TRIOBP: variants seen among roughly 807,000 people sequenced by gnomAD.
The protein encoded by TRIOBP is TRIO and F-actin binding protein, also known as TRIO and F-actin-binding protein.
In TRIOBP, 169 loss-of-function variants were observed where a neutral mutation model predicts 238.8. The ratio of observed to expected loss-of-function variants is 0.71; its 90% CI spans 0.62 to 0.80. TRIOBP has a LOEUF of 0.80. Among genes scored for constraint, TRIOBP ranks in the 30% least tolerant of loss-of-function variants. TRIOBP has a pLI of 0.00. For synonymous variants in TRIOBP, 1,150 were observed against 1,274.4 expected (o/e 0.90, Z 2.08); for missense variants, 2,838 against 3,122.6 (o/e 0.91, Z 2.17).
At chr22:37,727,368 A>T (rs920213096) in intron 7 of TRIOBP, among the ~76,000 whole-genome samples, 2 of 151,716 alleles carry the variant, frequency 1.3e-5, no homozygotes. Context: ...AGTTATGTCA[A>T]TTTAAAATGT....
chr22:37,747,858 C>G (rs992189376), intron 11 of TRIOBP, among the ~76,000 whole-genome samples: 1 of 152,238 alleles, frequency 6.6e-6, no homozygotes, highest in Non-Finnish European at 1.5e-5. Context: ...GTATCCAGGT[C>G]CGTTCCAGCT....
intron 3 of TRIOBP, among the ~76,000 whole-genome samples, chr22:37,709,578 G>T (rs979806068): frequency 6.6e-6 from 1 of 152,186 alleles, no homozygotes; most frequent in African/African-American, 2.4e-5. Context: ...ACCAGAGCCC[G>T]CAGCCCAGGT....
chr22:37,710,604 G>T, intron 4 of TRIOBP, 38 bp downstream of exon 4: 1 of 1,593,624 alleles, frequency 6.3e-7, no homozygotes, highest in Non-Finnish European at 8.5e-7. Flanking sequence ...GGCTTCATGG[G>T]GTGGAATGCC....
At chr22:37,761,954 GC>G (rs1926268000) in intron 17 of TRIOBP, among the ~76,000 whole-genome samples, 1 of 148,850 alleles carries the variant, frequency 6.7e-6, no homozygotes, top group African/African-American at 2.5e-5. Flanking sequence ...CAGCCAGGGG[GC>G]TTCTGCCTGC....
chr22:37,751,700 G>A, intron 11 of TRIOBP, 72 bp from the exon 12 acceptor site: 1 of 1,556,460 alleles, frequency 6.4e-7, no homozygotes, highest in Non-Finnish European at 8.9e-7. Context: ...GGTGGGTGCA[G>A]CACGCTCCCC....
At chr22:37,760,165 A>G (rs1318735983) in intron 17 of TRIOBP, 1 of 152,846 alleles carries the variant, frequency 6.5e-6, no homozygotes, top group Non-Finnish European at 1.5e-5. Context: ...GTAGTTTTCT[A>G]TTGAGAATAT....
At chr22:37,728,076 G>C (rs1924261942) in intron 7 of TRIOBP, among the ~76,000 whole-genome samples, 1 of 152,110 alleles carries the variant, frequency 6.6e-6, no homozygotes, top group African/African-American at 2.4e-5. Context: ...GGAATATTTT[G>C]TATCTAAAAT....
In TRIOBP at chr22:37,725,021, A is replaced by T. The variant is rs749669912; in HGVS notation, c.2465A>T (p.Asn822Ile). ...QDNPRTCIQQNIPRSSSTQQD... is the reference protein window; with the variant it reads ...QDNPRTCIQQIIPRSSSTQQD... ...AACCCCAGAACTTGTATTCAACAGA[A>T]CATCCCCAGATCATCTTCTACCCAA... The change falls in exon 7 of 24, where the codon AAC becomes ATC. Residue 822 changes from asparagine to isoleucine, a missense_variant. By Grantham distance (149) the Asn-to-Ile change is moderately radical. Transcript: ENST00000644935. 8 of 1,614,100 alleles carry T rather than the reference A, an allele frequency of 5.0e-6. No individual in the cohort carries two copies. The highest frequency in any genetic ancestry group is 6.8e-6 in the Non-Finnish European group (8 of 1,179,938).
At chr22:37,769,998 G>A (rs566711707) in intron 21 of TRIOBP, among the ~76,000 whole-genome samples, 1 of 151,142 alleles carries the variant, frequency 6.6e-6, no homozygotes, top group African/African-American at 2.4e-5. Flanking sequence ...CAAAGTGCTG[G>A]GATTACAGCA....
At chr22:37,742,388 G>C (rs558131336) in intron 11 of TRIOBP, among the ~76,000 whole-genome samples, 1 of 150,726 alleles carries the variant, frequency 6.6e-6, no homozygotes, top group East Asian at 2.0e-4. Context: ...TCAGCCTCCC[G>C]AGTATGTGGT....
chr22:37,755,276 C>T (rs1204041085), intron 14 of TRIOBP, 86 bp downstream of exon 14: 11 of 1,349,918 alleles, frequency 8.1e-6, no homozygotes, highest in South Asian at 1.2e-5. Flanking sequence ...ACATGGCTCA[C>T]CATGGAGACT....
intron 3 of TRIOBP, among the ~76,000 whole-genome samples, chr22:37,709,393 A>T (rs993065066): frequency 7.2e-5 from 11 of 152,180 alleles, no homozygotes; most frequent in African/African-American, 2.7e-4. Context: ...GGCCCGGCTT[A>T]TGAAACTGTA....
intron 6 of TRIOBP, among the ~76,000 whole-genome samples, chr22:37,719,784 C>A (rs1315924769): frequency 6.6e-6 from 1 of 151,970 alleles, no homozygotes; most frequent in Admixed American, 6.6e-5. Flanking sequence ...ATATCTGATG[C>A]CCCACATCCC....
chr22:37,737,697 C>G (rs1025335945), intron 9 of TRIOBP, among the ~76,000 whole-genome samples: 2 of 151,700 alleles, frequency 1.3e-5, no homozygotes, highest in Admixed American at 6.6e-5. Flanking sequence ...GCATGGCACT[C>G]AAGGCCGGCT....
chr22:37,735,835 C>T (rs1306189131), intron 9 of TRIOBP, among the ~76,000 whole-genome samples: 1 of 152,226 alleles, frequency 6.6e-6, no homozygotes, highest in African/African-American at 2.4e-5. Flanking sequence ...GCAAGATGCT[C>T]TGGCCAGGGC....
chr22:37,726,420 G>C lies in TRIOBP; in HGVS notation c.3864G>C (p.Gly1288=). ...PPRRLAQRQP[G]PQAQCSSGGR... ...GGAGGCTGGCCCAGAGACAGCCAGG[G>C]CCCCAGGCGCAGTGCAGCAGCGGGG... is the stretch of plus-strand genomic sequence containing the variant. Residue 1288 remains glycine (G), a synonymous_variant, in exon 7 of 24, where the codon GGG becomes GGC. Coordinates refer to ENST00000644935, the MANE Select transcript of TRIOBP (RefSeq NM_001039141.3). 1 of 1,586,298 alleles carries C rather than the reference G, an allele frequency of 6.3e-7. No homozygotes were observed. The highest frequency in any genetic ancestry group is 1.1e-5 in the South Asian group (1 of 88,284).
intron 9 of TRIOBP, among the ~76,000 whole-genome samples, chr22:37,737,715 C>T (rs1924741449): frequency 6.6e-6 from 1 of 151,996 alleles, no homozygotes; most frequent in Non-Finnish European, 1.5e-5. Context: ...GCTTCCCTTC[C>T]TTCCACTCCG....
chr22:37,758,313 A>G, intron 16 of TRIOBP, among the ~76,000 whole-genome samples, 175 bp downstream of exon 16: 1 of 152,114 alleles, frequency 6.6e-6, no homozygotes, highest in Non-Finnish European at 1.5e-5. Flanking sequence ...CTTAGACCTT[A>G]GTAGTTTGGT....
At chr22:37,741,186 TAAGCTCATCCTGGTCTCAGCAAGCGA>T (rs1924919288) in intron 11 of TRIOBP, among the ~76,000 whole-genome samples, 154 bp downstream of exon 11, 1 of 152,152 alleles carries the variant, frequency 6.6e-6, no homozygotes, top group Admixed American at 6.5e-5. Flanking sequence ...GCAGAGCTCT[TAAGCTCATCCTGGTCTCAGCAAGCGA>T]GTGGGTTTCC....
Sources: gnomAD v4.1 joint callset for allele counts (sites outside exome capture counted in the v4.1 genomes callset) on GRCh38, gnomAD v4.1.1 for gene constraint, MANE v1.5 for transcripts, NCBI Gene and HGNC (gene_info 2026-07-23, HGNC 2026-07-21) for gene names.